Variants in PLD5 observed in about 807,000 individuals in gnomAD.
PLD5 encodes the protein phospholipase D family member 5.
A neutral mutation model predicts 61.1 loss-of-function variants in PLD5; 36 were observed. The observed-to-expected ratio is 0.59, with a 90% CI of 0.45 to 0.78. PLD5 has a LOEUF of 0.78. Ranked by LOEUF, PLD5 falls within the 30% of genes least tolerant of loss-of-function variation. The pLI, the probability that PLD5 is intolerant of heterozygous loss-of-function variation, is 0.00. For synonymous variants in PLD5, 243 were observed against 242.8 expected, an observed-to-expected ratio of 1.00 and a Z score of -0.01; for missense variants, 515 against 644.4, an observed-to-expected ratio of 0.80 and a Z score of 2.17.
intron 2 of PLD5, among the ~76,000 whole-genome samples, chr1:242,317,901 T>A (rs1658120527): frequency 6.6e-6 from 1 of 152,144 alleles, no homozygotes; most frequent in Non-Finnish European, 1.5e-5. Context: ...CAATGGGGGA[T>A]CAGTGACAAG....
At chr1:242,248,235 GCAATCA>G (rs1672501914) in intron 4 of PLD5, among the ~76,000 whole-genome samples, 1 of 152,182 alleles carries the variant, frequency 6.6e-6, no homozygotes, top group African/African-American at 2.4e-5. Context: ...AAACGAGACA[GCAATCA>G]TGTTGTAACT....
chr1:242,378,033 T>C (rs1010263824), intron 1 of PLD5, among the ~76,000 whole-genome samples: 1 of 152,128 alleles, frequency 6.6e-6, no homozygotes, highest in Non-Finnish European at 1.5e-5. Context: ...TCAAAAAGAA[T>C]GGAAAGCAGG....
Position 242,097,946 on chromosome 1 carries a change from G to T in PLD5, c.1354+2722C>A, listed in dbSNP as rs1408699543. ...GTATAAGGTGTAAGGAAGGGATCCA[G>T]TTTCAGCTTTCTACATATGGCTAGC... On this transcript the variant is annotated intron_variant, in intron 9 of 9. Transcript: ENST00000536534. Among the ~76,000 whole-genome samples the T allele has an allele frequency of 2.6e-5, 4 of 152,296 alleles. No homozygotes were observed. In the East Asian group the frequency reaches 7.7e-4, roughly 29 times the overall value.
At chr1:242,093,831 T>C (rs571317678) in intron 9 of PLD5, among the ~76,000 whole-genome samples, 2 of 151,770 alleles carry the variant, frequency 1.3e-5, no homozygotes, top group South Asian at 4.2e-4. Flanking sequence ...GGGGGGAAAA[T>C]GATGGAGAGA....
chr1:242,399,184 G>A (rs1452646660), intron 1 of PLD5, among the ~76,000 whole-genome samples: 1 of 152,168 alleles, frequency 6.6e-6, no homozygotes, highest in Admixed American at 6.5e-5. Context: ...TTCCTCACAT[G>A]CTCAGTCCTG....
intron 4 of PLD5, among the ~76,000 whole-genome samples, chr1:242,264,633 T>G (rs1673552107): frequency 6.6e-6 from 1 of 152,166 alleles, no homozygotes; most frequent in East Asian, 1.9e-4. Context: ...CCTGTCCTCT[T>G]CTAGGGACGT....
At chr1:242,432,593 A>G (rs1172419064) in intron 1 of PLD5, among the ~76,000 whole-genome samples, 1 of 152,218 alleles carries the variant, frequency 6.6e-6, no homozygotes. Context: ...CACGGGTTTA[A>G]GTACAACCAC....
intron 1 of PLD5, among the ~76,000 whole-genome samples, chr1:242,479,649 T>G (rs1165805417): frequency 6.6e-6 from 1 of 152,090 alleles, no homozygotes; most frequent in Non-Finnish European, 1.5e-5. Context: ...CCCAAGAGAC[T>G]TTTGGTAGAA....
intron 1 of PLD5, among the ~76,000 whole-genome samples, chr1:242,388,042 G>C (rs1298789235): frequency 2.0e-5 from 3 of 152,178 alleles, no homozygotes; most frequent in Non-Finnish European, 4.4e-5. Flanking sequence ...GATTAGATCA[G>C]AGACATTTTC....
rs528369041 is a variant in PLD5 at position 242,393,885 on chromosome 1, C to A, written c.190-45643G>T. On this transcript the variant is annotated intron_variant, in intron 1 of 9. Coordinates refer to ENST00000536534, the MANE Select transcript of PLD5 (RefSeq NM_001372062.1). ...GACCAGCCTGGCCAACATGGTGAAA[C>A]CCCGTCTCTACTAAAAATGCAAAAA... 8.3e-3 allele frequency among the ~76,000 whole-genome samples: 1,218 copies of A among 145,902 alleles called. 12 individuals are homozygous for A. Among genetic ancestry groups the A allele is most frequent in the Middle Eastern group, 0.014 (4 of 278 alleles).
chr1:242,478,546 C>T (rs1457698744), intron 1 of PLD5, among the ~76,000 whole-genome samples: 10 of 152,146 alleles, frequency 6.6e-5, no homozygotes, highest in Non-Finnish European at 1.5e-4. Flanking sequence ...TTTCTGACCT[C>T]CCAGGAATGT....
intron 1 of PLD5, among the ~76,000 whole-genome samples, chr1:242,429,393 C>G (rs1665597794): frequency 1.3e-5 from 2 of 152,136 alleles, no homozygotes; most frequent in Admixed American, 1.3e-4. Flanking sequence ...TAGAAATAAT[C>G]TTTTTAAAAT....
At chr1:242,291,352 T>C (rs182507766) in intron 2 of PLD5, among the ~76,000 whole-genome samples, 8,654 of 152,202 alleles carry the variant, frequency 0.057, 294 homozygotes, top group Middle Eastern at 0.11. Flanking sequence ...TGATGGATTA[T>C]AGGATGTGTG....
intron 8 of PLD5, among the ~76,000 whole-genome samples, chr1:242,106,186 C>T (rs2148681162): frequency 6.6e-6 from 1 of 152,302 alleles, no homozygotes; most frequent in East Asian, 1.9e-4. Flanking sequence ...TGTTTCTGTA[C>T]TCAGGGAGGG....
intron 5 of PLD5, among the ~76,000 whole-genome samples, chr1:242,195,695 G>T (rs1475366236): frequency 6.6e-6 from 1 of 152,188 alleles, no homozygotes; most frequent in Non-Finnish European, 1.5e-5. Context: ...AGGGAGGCTT[G>T]CATCTGGGGA....
chr1:242,255,176 T>C (rs1296598581), intron 4 of PLD5, among the ~76,000 whole-genome samples: 3 of 152,100 alleles, frequency 2.0e-5, no homozygotes, highest in East Asian at 1.9e-4. Flanking sequence ...CCATGAGGAC[T>C]GTCCTTCACT....
chr1:242,265,486 C>T (rs777248438), intron 3 of PLD5, 38 bp from the exon 4 acceptor site: 19 of 1,528,990 alleles, frequency 1.2e-5, no homozygotes, highest in Non-Finnish European at 1.6e-5. Context: ...AGTCAGAAAA[C>T]CTAAATGTTT....
intron 5 of PLD5, among the ~76,000 whole-genome samples, chr1:242,125,679 C>T (rs1355737035): frequency 1.3e-5 from 2 of 152,186 alleles, no homozygotes; most frequent in Non-Finnish European, 2.9e-5. Flanking sequence ...AACCTTGGCT[C>T]TCTAAAGACC....
At chr1:242,298,438 C>G (rs184844358) in intron 2 of PLD5, among the ~76,000 whole-genome samples, 171 of 152,282 alleles carry the variant, frequency 1.1e-3, no homozygotes, top group Non-Finnish European at 2.0e-3. Flanking sequence ...ATGAAGAGAG[C>G]AGGGCTCCCA....
Sources: allele counts gnomAD v4.1 joint callset (sites outside exome capture counted in the v4.1 genomes callset), GRCh38; gene constraint gnomAD v4.1.1; transcripts MANE v1.5; gene names NCBI Gene and HGNC (gene_info 2026-07-23, HGNC 2026-07-21).